The following FRMPD3 variants were observed in gnomAD, a reference collection of about 807,000 sequenced individuals.
FRMPD3 encodes the protein FERM and PDZ domain containing 3.
Under a neutral mutation model 97.9 loss-of-function variants are expected in FRMPD3, and 42 were observed. The observed-to-expected ratio is 0.43, with a 90% confidence interval of 0.34 to 0.55. The LOEUF (loss-of-function observed/expected upper bound fraction) is 0.55, where lower values mean the gene tolerates loss of function less well. Ranked by LOEUF, FRMPD3 falls within the 20% of genes least tolerant of loss-of-function variation. The pLI, the probability that FRMPD3 is intolerant of heterozygous loss-of-function variation, is 0.03. For synonymous variants in FRMPD3, 577 were observed against 581.1 expected, an observed-to-expected ratio of 0.99 and a Z score of 0.10; for missense variants, 1,303 against 1,457.7, an observed-to-expected ratio of 0.89 and a Z score of 1.73.
intron 12 of FRMPD3, among the ~76,000 whole-genome samples, chrX:107,568,587 A>G (rs1922714673): frequency 9.6e-6 from 1 of 104,090 alleles, no homozygotes; most frequent in African/African-American, 3.5e-5. Context: ...AAAAAAAATC[A>G]GCTGGGCGTG....
intron 1 of FRMPD3, among the ~76,000 whole-genome samples, chrX:107,482,883 C>T (rs778556048): frequency 1.9e-4 from 21 of 111,311 alleles, no homozygotes; most frequent in African/African-American, 6.9e-4. Context: ...CAGAAAGTTG[C>T]AAAGTTGTTG....
In FRMPD3 at chrX:107,600,295, TC is replaced by T; in HGVS notation, c.2264-6del. 3.3e-6 allele frequency: 4 copies of T among 1,195,044 alleles called. No homozygotes were observed. The South Asian group carries it at 7.4e-5, about 22-fold the overall frequency. ...TAAGCATAACAAGCCCTATCCCTGTTCCTCCAGGTCTGATTGTGCTGGCCAC... is the reference window on the plus strand; with the variant it reads ...TAAGCATAACAAGCCCTATCCCTGTTCTCCAGGTCTGATTGTGCTGGCCAC... On this transcript the variant is annotated splice_region_variant and splice_polypyrimidine_tract_variant and intron_variant, in intron 14 of 14. Transcript: ENST00000683843.
chrX:107,586,459 G>A (rs1478065721), intron 13 of FRMPD3, among the ~76,000 whole-genome samples: 1 of 105,720 alleles, frequency 9.5e-6, no homozygotes, highest in Admixed American at 1.0e-4. Context: ...ATTCTGCTCT[G>A]ATCTTAGTTA....
At chrX:107,530,358 CT>C in intron 2 of FRMPD3, 50 bp from the exon 3 acceptor site, 1 of 1,046,260 alleles carries the variant, frequency 9.6e-7, no homozygotes, top group Non-Finnish European at 1.3e-6. Context: ...CAGACCTGGA[CT>C]TTCCCAGCAG....
At position 107,470,683 on chromosome X, in the gene FRMPD3, A is replaced by T. The variant is rs145464477; in HGVS notation, c.-8+20678A>T. Among the ~76,000 whole-genome samples, 267 of 112,466 alleles carry T rather than the reference A, an allele frequency of 2.4e-3. 2 individuals carry two copies. The highest frequency in any genetic ancestry group is 8.3e-3 in the African/African-American group (257 of 31,053). On this transcript the variant is annotated intron_variant, in intron 1 of 14. Transcript: ENST00000683843. ...GATACACAAGGGTGTGAACATCAGG[A>T]GGTGGGGATTATTTGGCAACATTTT... is the stretch of plus-strand genomic sequence containing the variant.
chrX:107,498,125 G>T (rs1375461224), intron 1 of FRMPD3, among the ~76,000 whole-genome samples: 1 of 112,634 alleles, frequency 8.9e-6, no homozygotes, highest in Non-Finnish European at 1.9e-5. Flanking sequence ...GATTGCAAAG[G>T]TGTCCACTAA....
At chrX:107,473,854 C>T (rs964575720) in intron 1 of FRMPD3, among the ~76,000 whole-genome samples, 4 of 112,088 alleles carry the variant, frequency 3.6e-5, no homozygotes, top group South Asian at 3.7e-4. Context: ...GAGGCCGAGG[C>T]GGGTGGATCA....
At chrX:107,536,529 T>G (rs1461604002) in intron 4 of FRMPD3, among the ~76,000 whole-genome samples, 2 of 111,807 alleles carry the variant, frequency 1.8e-5, no homozygotes, top group African/African-American at 6.5e-5. Context: ...ACCCATGGTA[T>G]TCCATGGTGT....
Position 107,597,419 on chromosome X carries a change from A to G in FRMPD3, c.1540A>G (p.Ser514Gly), listed in dbSNP as rs1409951150. ...GSVGTSPRKSSRCTPPPADSE... is the reference protein window; with the variant it reads ...GSVGTSPRKSGRCTPPPADSE... ...CGTGGGCACCAGCCCCAGGAAATCG[A>G]GCCGCTGCACGCCCCCACCTGCCGA... is the stretch of plus-strand genomic sequence containing the variant. The change falls in exon 14 of 15, where the codon AGC (serine) becomes GGC (glycine). Residue 514 changes from serine (S) to glycine (G), a missense_variant. By Grantham distance (56) the Ser-to-Gly change is moderately conservative. Around this residue, in one of 3 missense-constraint regions of FRMPD3, gnomAD observed 535 missense variants for 618.6 expected, o/e 0.86. Transcript: ENST00000683843. 4 of 1,210,796 alleles carry G rather than the reference A, an allele frequency of 3.3e-6. No individual in the cohort carries two copies.
chrX:107,511,609 C>G (rs1922166416), intron 1 of FRMPD3, among the ~76,000 whole-genome samples: 1 of 112,891 alleles, frequency 8.9e-6, no homozygotes, highest in African/African-American at 3.2e-5. Flanking sequence ...CCACATTTGG[C>G]TTCAGGAGGC....
intron 12 of FRMPD3, among the ~76,000 whole-genome samples, chrX:107,572,928 A>G (rs1922959714): frequency 9.2e-6 from 1 of 109,219 alleles, no homozygotes; most frequent in Admixed American, 9.9e-5. Context: ...TAATAATAAT[A>G]AAGTAGAAAA....
At position 107,560,760 on chromosome X, in the gene FRMPD3, C is replaced by T; in HGVS notation, c.933C>T (p.Pro311=). ...KEWGLEPFLP[P]SLLQVIKEKN... Reference sequence around the variant, plus strand: ...GGGGCCTGGAACCCTTTCTTCCCCCCTCCCTCCTGCAGGTCATCAAAGAGA... The same window carrying T: ...GGGGCCTGGAACCCTTTCTTCCCCCTTCCCTCCTGCAGGTCATCAAAGAGA... Residue 311 remains proline, a synonymous_variant, in exon 10 of 15, where the codon CCC becomes CCT. Transcript: ENST00000683843. The T allele has an allele frequency of 1.7e-6, 2 of 1,169,708 alleles. No homozygotes were observed. The highest frequency in any genetic ancestry group is 2.3e-6 in the Non-Finnish European group (2 of 874,117).
chrX:107,490,388 G>A (rs1361380591), intron 1 of FRMPD3, among the ~76,000 whole-genome samples: 1 of 112,161 alleles, frequency 8.9e-6, no homozygotes, highest in African/African-American at 3.2e-5. Context: ...GTCATTGGTA[G>A]CTTGATGGGG....
intron 1 of FRMPD3, among the ~76,000 whole-genome samples, chrX:107,483,917 G>A (rs1180520773): frequency 9.0e-6 from 1 of 111,622 alleles, no homozygotes; most frequent in East Asian, 2.8e-4. Flanking sequence ...GGTGTGCAAG[G>A]GGGGTGACAG....
At chrX:107,542,170 CTT>C (rs1393151900) in intron 4 of FRMPD3, among the ~76,000 whole-genome samples, 1 of 112,735 alleles carries the variant, frequency 8.9e-6, no homozygotes, top group Non-Finnish European at 1.9e-5. Context: ...GCCCCTTTCT[CTT>C]GCTTCTGCCT....
intron 13 of FRMPD3, among the ~76,000 whole-genome samples, chrX:107,577,144 G>A (rs1272677187): frequency 3.4e-5 from 3 of 87,135 alleles, no homozygotes; most frequent in African/African-American, 1.3e-4. Flanking sequence ...GGCTAACAAG[G>A]TGAAACCCTG....
intron 14 of FRMPD3, 58 bp from the exon 15 acceptor site, chrX:107,600,245 G>T: frequency 8.8e-7 from 1 of 1,138,384 alleles, no homozygotes; most frequent in South Asian, 2.2e-5. Context: ...CAACCGTGTA[G>T]AGCTGGAAAA....
At chrX:107,536,827 A>C (rs1181752452) in intron 4 of FRMPD3, among the ~76,000 whole-genome samples, 1 of 111,830 alleles carries the variant, frequency 8.9e-6, no homozygotes, top group Non-Finnish European at 1.9e-5. Flanking sequence ...CCTCATTAGA[A>C]TGTCAGCTCC....
At chrX:107,566,687 C>A (rs1922616250) in intron 12 of FRMPD3, among the ~76,000 whole-genome samples, 1 of 113,393 alleles carries the variant, frequency 8.8e-6, no homozygotes, top group African/African-American at 3.2e-5. Context: ...GTCCTACTCT[C>A]AGAGATTATG....
Sources: gnomAD v4.1 joint callset for allele counts (sites outside exome capture counted in the v4.1 genomes callset) on GRCh38, gnomAD v4.1.1 for gene constraint, gnomAD v4.1.1 regional missense constraint, MANE v1.5 for transcripts, NCBI Gene and HGNC (gene_info 2026-07-23, HGNC 2026-07-21) for gene names.